Variants in NXPE1 observed in about 807,000 individuals in gnomAD.
NXPE1 encodes NXPE family member 1.
A neutral mutation model predicts 33.3 loss-of-function variants in NXPE1; 31 were observed. That is an observed-to-expected ratio of 0.93 (90% confidence interval 0.70 to 1.26). The LOEUF (loss-of-function observed/expected upper bound fraction) is 1.26, where lower values mean the gene tolerates loss of function less well. NXPE1 is among the 50% of genes most tolerant of loss of function. The probability of loss-of-function intolerance (pLI) is 0.00; values close to 1 mark genes in which losing one functional copy is unlikely to be tolerated. For missense variants in NXPE1, 661 were observed against 655.6 expected (o/e 1.01, Z -0.09); for synonymous variants, 229 against 231.4 (o/e 0.99, Z 0.09).
At chr11:114,519,356 A>G (rs766855398), downstream of NXPE1, among the ~76,000 whole-genome samples, 1 of 152,142 alleles carries the variant, frequency 6.6e-6, no homozygotes, top group Non-Finnish European at 1.5e-5. Flanking sequence ...TAGATTCTGG[A>G]GCTTTCTAAA....
downstream of NXPE1, among the ~76,000 whole-genome samples, chr11:114,520,586 A>G (rs149259271): frequency 5.7e-3 from 868 of 152,300 alleles, 3 homozygotes; most frequent in Non-Finnish European, 7.7e-3. Context: ...GAGAATGCAG[A>G]TATCTCTATG....
downstream of NXPE1, chr11:114,521,576 T>C (rs1378543): frequency 0.22 from 35,788 of 162,116 alleles, 5,657 homozygotes; most frequent in African/African-American, 0.45. Context: ...ACATCACAGT[T>C]AGGGTGCTCG....
intron 5 of NXPE1, among the ~76,000 whole-genome samples, chr11:114,547,033 G>A (rs1213700848): frequency 6.6e-6 from 1 of 152,160 alleles, no homozygotes; most frequent in Non-Finnish European, 1.5e-5. Context: ...TCCAGATAAT[G>A]TATGCAGATT....
intron 6 of NXPE1, chr11:114,529,488 G>A (rs1947496216): frequency 6.6e-6 from 1 of 152,364 alleles, no homozygotes. Flanking sequence ...GGGGAGAAAA[G>A]CATGGCATTG....
Position 114,553,961 on chromosome 11 carries a change from C to A in NXPE1, c.-210-1081G>T, listed in dbSNP as rs556202696. On this transcript the variant is annotated intron_variant, in intron 1 of 8. Coordinates refer to ENST00000534921, the Ensembl canonical transcript of NXPE1. ...CTGGGAGAGCAGGTTTGTCAGTATA[C>A]CCCTGCTCATAGGAATCTCAAAGTC... The A allele has an allele frequency of 5.8e-5, 57 of 985,334 alleles. No individual in the cohort carries two copies. In the African/African-American group the frequency reaches 9.6e-4, roughly 17 times the overall value. 61.0% of individuals were successfully genotyped at this position (985,334 alleles called of 1,614,324 possible).
exon 6 of NXPE1, chr11:114,530,670 C>A (rs1205187441): frequency 6.2e-7 from 1 of 1,614,174 alleles, no homozygotes. Flanking sequence ...GTCTCCCCTG[C>A]AGTATGTATC....
intron 5 of NXPE1, among the ~76,000 whole-genome samples, chr11:114,535,124 A>G (rs1270653807): frequency 6.6e-6 from 1 of 152,258 alleles, no homozygotes; most frequent in Non-Finnish European, 1.5e-5. Flanking sequence ...GGGGACCAAT[A>G]TTCAAAATTC....
At chr11:114,558,215 T>C (rs1218306112) in intron 1 of NXPE1, among the ~76,000 whole-genome samples, 1 of 152,064 alleles carries the variant, frequency 6.6e-6, no homozygotes, top group Admixed American at 6.6e-5. Context: ...TGTGTGTGTG[T>C]ATATATATAT....
chr11:114,522,179 T>C (rs1372631243), exon 9 of NXPE1: 2 of 1,614,108 alleles, frequency 1.2e-6, no homozygotes, highest in Non-Finnish European at 1.7e-6. Flanking sequence ...CCTGATGTTT[T>C]CTGTCTTAAT....
At chr11:114,554,242 C>A (rs1948597585) in intron 1 of NXPE1, 2 of 976,164 alleles carry the variant, frequency 2.0e-6, no homozygotes, top group Admixed American at 6.2e-5. Flanking sequence ...CCTTTCCTGG[C>A]CTCTATTGTA....
intron 1 of NXPE1, among the ~76,000 whole-genome samples, chr11:114,557,730 G>T (rs1239437796): frequency 8.4e-5 from 12 of 143,344 alleles, no homozygotes; most frequent in Non-Finnish European, 1.7e-4. Context: ...ATTCTTCTTT[G>T]CCGTTCTCTA....
exon 9 of NXPE1, chr11:114,522,503 G>T (rs1483975786): frequency 1.3e-6 from 2 of 1,578,208 alleles, no homozygotes; most frequent in East Asian, 4.5e-5. Flanking sequence ...AAACTTCAGT[G>T]CTGATAAAAA....
intron 1 of NXPE1, among the ~76,000 whole-genome samples, chr11:114,557,868 C>A (rs557221440): frequency 1.3e-4 from 20 of 151,766 alleles, no homozygotes; most frequent in Admixed American, 5.9e-4. Context: ...TTGAGGGTTT[C>A]TTTTGCGGGC....
chr11:114,534,450 G>C (rs887411464), intron 5 of NXPE1, among the ~76,000 whole-genome samples: 4 of 152,320 alleles, frequency 2.6e-5, no homozygotes, highest in East Asian at 3.9e-4. Context: ...ACTTTGACGA[G>C]TTGAGAGAGG....
intron 1 of NXPE1, among the ~76,000 whole-genome samples, chr11:114,556,746 T>C (rs1280356334): frequency 6.6e-6 from 1 of 152,132 alleles, no homozygotes; most frequent in African/African-American, 2.4e-5. Context: ...ATTAGTCTCA[T>C]CTAAGCCACT....
At chr11:114,545,918 T>G (rs1284607089) in intron 5 of NXPE1, among the ~76,000 whole-genome samples, 2 of 152,002 alleles carry the variant, frequency 1.3e-5, no homozygotes, top group Non-Finnish European at 2.9e-5. Context: ...CTCGATAGCT[T>G]GACTTTGCGA....
chr11:114,549,578 G>A (rs537348370), intron 5 of NXPE1, among the ~76,000 whole-genome samples: 5 of 151,984 alleles, frequency 3.3e-5, no homozygotes, highest in Admixed American at 2.6e-4. Context: ...AGAAATTTAT[G>A]GATTTCCTCT....
At chr11:114,554,494 T>C in intron 1 of NXPE1, 2 of 571,888 alleles carry the variant, frequency 3.5e-6, no homozygotes, top group Non-Finnish European at 4.4e-6. Flanking sequence ...ATAAAATGTA[T>C]AGAATTATAA....
At chr11:114,523,468 T>C (rs1461396645) in intron 7 of NXPE1, among the ~76,000 whole-genome samples, 1 of 152,228 alleles carries the variant, frequency 6.6e-6, no homozygotes, top group African/African-American at 2.4e-5. Flanking sequence ...TAAAATTCTT[T>C]ACCTTTGTTT....
Sources: gnomAD v4.1 joint callset for allele counts (sites outside exome capture counted in the v4.1 genomes callset) on GRCh38, gnomAD v4.1.1 for gene constraint, MANE v1.5 for transcripts, NCBI Gene and HGNC (gene_info 2026-07-23, HGNC 2026-07-21) for gene names.